Variants in HLA-DRB5 observed in about 807,000 individuals in gnomAD.
HLA-DRB5 encodes the protein major histocompatibility complex, class II, DR beta 5.
In HLA-DRB5, 11 loss-of-function variants were observed where a neutral mutation model predicts 22.4. The ratio of observed to expected loss-of-function variants is 0.49; its 90% CI spans 0.31 to 0.81. HLA-DRB5 has a LOEUF of 0.81. Among genes scored for constraint, HLA-DRB5 ranks in the 40% least tolerant of loss-of-function variants. HLA-DRB5 has a pLI of 0.05. For synonymous variants in HLA-DRB5, 57 were observed against 106.0 expected, an observed-to-expected ratio of 0.54 and a Z score of 2.84; for missense variants, 106 against 274.4, an observed-to-expected ratio of 0.39 and a Z score of 4.34.
At chr6:32,520,999 A>T (rs185236820) in intron 2 of HLA-DRB5, among the ~76,000 whole-genome samples, 59 of 34,940 alleles carry the variant, frequency 1.7e-3, no homozygotes, top group East Asian at 2.8e-3. Flanking sequence ...TTAGAGCAGT[A>T]ATTATAATTG....
intron 1 of HLA-DRB5, among the ~76,000 whole-genome samples, chr6:32,529,172 A>T (rs115003145): frequency 1.6e-5 from 2 of 128,110 alleles, no homozygotes; most frequent in Admixed American, 7.9e-5. Context: ...CTTGATCATT[A>T]ACTTTCAGCC....
chr6:32,524,311 T>A (rs115563132), intron 1 of HLA-DRB5, among the ~76,000 whole-genome samples: 35,799 of 95,394 alleles, frequency 0.38, 6,926 homozygotes, highest in African/African-American at 0.41. Context: ...ATCATTTGTC[T>A]TTCATATCAT....
chr6:32,523,134 T>A (rs1363876520), intron 1 of HLA-DRB5, among the ~76,000 whole-genome samples: 805 of 41,116 alleles, frequency 0.02, no homozygotes, highest in Middle Eastern at 0.1. Context: ...CAAAGAGATT[T>A]AAGGAGAATA....
intron 1 of HLA-DRB5, among the ~76,000 whole-genome samples, 184 bp downstream of exon 1, chr6:32,529,938 TCTC>T (rs1385137901): frequency 0.22 from 23,737 of 105,662 alleles, 2,055 homozygotes; most frequent in African/African-American, 0.29. Context: ...CCTTACACAG[TCTC>T]ATGGAGAGGG....
intron 3 of HLA-DRB5, among the ~76,000 whole-genome samples, 161 bp from the exon 4 acceptor site, chr6:32,518,827 T>C (rs1436212025): frequency 3.3e-5 from 3 of 91,962 alleles, no homozygotes; most frequent in Non-Finnish European, 4.5e-5. Context: ...CAAATCACAC[T>C]GAACAGTTAC....
intron 2 of HLA-DRB5, 94 bp downstream of exon 2, chr6:32,521,811 T>TCTCACACACACACACA: frequency 8.0e-6 from 2 of 248,810 alleles, no homozygotes; most frequent in Admixed American, 1.1e-4. Flanking sequence ...CCTCTCTCTC[T>TCTCACACACACACACA]CACACACACA....
At chr6:32,524,609 G>A (rs79949014) in intron 1 of HLA-DRB5, among the ~76,000 whole-genome samples, 18,182 of 89,712 alleles carry the variant, frequency 0.2, 1,065 homozygotes, top group Admixed American at 0.25. Flanking sequence ...CCTTCACAAA[G>A]CTCCGTTTGC....
chr6:32,529,878 A>G (rs67987819), intron 1 of HLA-DRB5, among the ~76,000 whole-genome samples: 1 of 149,228 alleles, frequency 6.7e-6, no homozygotes, highest in African/African-American at 2.5e-5. Context: ...ACATGTGATG[A>G]AAAGGTTTCA....
In HLA-DRB5 at chr6:32,519,699, A is replaced by T. The variant is rs760543626; in HGVS notation, c.371-48T>A. On this transcript the variant is annotated intron_variant, in intron 2 of 5. Transcript: ENST00000374975. Reference sequence around the variant, plus strand: ...GGAATGACTCAGGAAGACAGAGTGAATCTCCCTTTTTGGCTGTTTGTCTGC... The same window carrying T: ...GGAATGACTCAGGAAGACAGAGTGATTCTCCCTTTTTGGCTGTTTGTCTGC... 9.3e-4 allele frequency: 451 copies of T among 486,578 alleles called. 9 individuals carry two copies. Among genetic ancestry groups the T allele is most frequent in the Admixed American group, 2.3e-3 (46 of 20,090 alleles). The allele number at this position is 486,578 out of a possible 1,614,324, so 30.1% of individuals were successfully genotyped here. A position where few individuals can be genotyped will look rare whatever the true frequency, so the allele number is the denominator to read the frequency against.
At chr6:32,522,618 T>C (rs563386323) in intron 1 of HLA-DRB5, among the ~76,000 whole-genome samples, 1,658 of 27,248 alleles carry the variant, frequency 0.061, 323 homozygotes, top group Middle Eastern at 0.21. Context: ...TGTGCCAGGC[T>C]TGCACTGCCT....
At chr6:32,522,847 G>A (rs73726175) in intron 1 of HLA-DRB5, among the ~76,000 whole-genome samples, 1,474 of 33,540 alleles carry the variant, frequency 0.044, 319 homozygotes, top group East Asian at 0.061. Flanking sequence ...ATGTGACTTG[G>A]CAGGTTAAGC....
At chr6:32,519,814 T>A (rs1424348676) in intron 2 of HLA-DRB5, among the ~76,000 whole-genome samples, 163 bp from the exon 3 acceptor site, 1 of 89,138 alleles carries the variant, frequency 1.1e-5, no homozygotes, top group African/African-American at 5.1e-5. Flanking sequence ...GAATTTAGTC[T>A]TTATAGTGGG....
chr6:32,528,432 T>G, intron 1 of HLA-DRB5, among the ~76,000 whole-genome samples: 2 of 111,182 alleles, frequency 1.8e-5, no homozygotes, highest in African/African-American at 3.3e-5. Context: ...TAACTGTGGT[T>G]TATATTAATA....
chr6:32,521,286 TAAGA>T (rs1768831349), intron 2 of HLA-DRB5, among the ~76,000 whole-genome samples: 1 of 57,440 alleles, frequency 1.7e-5, no homozygotes, highest in African/African-American at 6.5e-5. Context: ...ATATACACAC[TAAGA>T]AAACAAACAG....
chr6:32,524,159 A>T (rs1581599917), intron 1 of HLA-DRB5, among the ~76,000 whole-genome samples: 2 of 80,500 alleles, frequency 2.5e-5, no homozygotes, highest in Admixed American at 3.0e-4. Flanking sequence ...ATTGAAAAAT[A>T]TCTGTGAATA....
At chr6:32,519,920 T>C (rs1768619563) in intron 2 of HLA-DRB5, among the ~76,000 whole-genome samples, 1 of 85,052 alleles carries the variant, frequency 1.2e-5, no homozygotes, top group Admixed American at 1.4e-4. Flanking sequence ...TCTTTGAAAG[T>C]ACAGAGTGTA....
At chr6:32,521,724 T>C (rs189059541) in intron 2 of HLA-DRB5, among the ~76,000 whole-genome samples, 181 bp downstream of exon 2, 829 of 12,052 alleles carry the variant, frequency 0.069, 335 homozygotes, top group Middle Eastern at 0.12. Flanking sequence ...CACACCTGTG[T>C]CCTCAGAAGT....
chr6:32,526,241 C>T (rs372903131), intron 1 of HLA-DRB5, among the ~76,000 whole-genome samples: 104 of 49,620 alleles, frequency 2.1e-3, no homozygotes, highest in Non-Finnish European at 2.7e-3. Context: ...CACATTCTCA[C>T]TTCACCCTCC....
At chr6:32,524,850 A>AC (rs2150567798) in intron 1 of HLA-DRB5, among the ~76,000 whole-genome samples, 1 of 70,218 alleles carries the variant, frequency 1.4e-5, no homozygotes. Flanking sequence ...GTAAATCTGG[A>AC]TTTCCAATAA....
Sources: gnomAD v4.1 joint callset for allele counts (sites outside exome capture counted in the v4.1 genomes callset) on GRCh38, gnomAD v4.1.1 for gene constraint, MANE v1.5 for transcripts, NCBI Gene and HGNC (gene_info 2026-07-23, HGNC 2026-07-21) for gene names.